Variants in ELMO3 observed in about 807,000 individuals in gnomAD.
ELMO3 encodes engulfment and cell motility 3.
ELMO3 carries 81 observed loss-of-function variants against 89.0 expected under a neutral mutation model. The ratio of observed to expected loss-of-function variants is 0.91; its 90% CI spans 0.76 to 1.09. The LOEUF (loss-of-function observed/expected upper bound fraction) is 1.09, where lower values mean the gene tolerates loss of function less well. Among genes scored for constraint, ELMO3 ranks in the 50% least tolerant of loss-of-function variants. ELMO3 has a pLI of 0.00. For missense variants in ELMO3, 959 were observed against 972.8 expected, an observed-to-expected ratio of 0.99 and a Z score of 0.19; for synonymous variants, 406 against 400.6, an observed-to-expected ratio of 1.01 and a Z score of -0.16.
rs1254716935 is a variant in ELMO3, at chr16:67,203,299, A to G, written c.1781-28A>G. On this transcript the variant is annotated intron_variant, in intron 17 of 19. Transcript: ENST00000393997. This position sits in a 1 kb window ranked among gnomAD's most constrained non-coding sequence, Gnocchi z 4.6. The stretch of plus-strand genomic sequence containing the variant: ...TGGGCCCCGGGGCTGCCAGGGCTGC[A>G]GTGCTCAGCCCAGCCTTCTTCCTGC... The G allele has an allele frequency of 6.3e-7, 1 of 1,590,266 alleles. No individual in the cohort carries two copies. The highest frequency in any genetic ancestry group is 8.5e-7 in the Non-Finnish European group (1 of 1,171,864).
In ELMO3 at chr16:67,203,807, G is replaced by A. The variant is rs200053811; in HGVS notation, c.2093G>A (p.Arg698Gln). The A allele has an allele frequency of 2.0e-4, 325 of 1,610,568 alleles. 2 individuals carry two copies. Among genetic ancestry groups the A allele is most frequent in the Middle Eastern group, 1.8e-3 (10 of 5,672 alleles). ...CTGGAGAACGTGCCCATCCCCGAGCGGCCACCCCCTGTGCCCCCACCCCCC... is the reference window on the plus strand; with the variant it reads ...CTGGAGAACGTGCCCATCCCCGAGCAGCCACCCCCTGTGCCCCCACCCCCC... ...LELENVPIPE[R>Q]PPPVPPPPTN... The change falls in exon 20 of 20, where the codon CGG becomes CAG. Residue 698 changes from arginine to glutamine, a missense_variant. Physicochemically the swap from Arg to Gln is conservative, Grantham distance 43. Transcript: ENST00000393997. The surrounding 1 kb of genome is among the most constrained non-coding windows in gnomAD (Gnocchi z 4.6).
chr16:67,203,940 G>T lies in ELMO3; in HGVS notation c.*63G>T. On this transcript the variant is annotated 3_prime_UTR_variant, in exon 20 of 20. Transcript: ENST00000393997. This position sits in a 1 kb window ranked among gnomAD's most constrained non-coding sequence, Gnocchi z 4.6. The stretch of plus-strand genomic sequence containing the variant: ...CAGCAGCCATGAAGGGCAGTGGGTA[G>T]AGGAGTGCAGGCACCCTGACCAGCA... 1 of 1,365,508 alleles carries T rather than the reference G, an allele frequency of 7.3e-7. No homozygotes were observed. The highest frequency in any genetic ancestry group is 1.4e-5 in the South Asian group (1 of 70,090). 84.6% of individuals were successfully genotyped at this position (1,365,508 alleles called of 1,614,324 possible). A position where few individuals can be genotyped will look rare whatever the true frequency, so the allele number is the denominator to read the frequency against.
In ELMO3 at chr16:67,202,287, G is replaced by C; in HGVS notation, c.1261+3G>C. The C allele has an allele frequency of 6.2e-7, 1 of 1,609,864 alleles. No homozygotes were observed. The highest frequency in any genetic ancestry group is 8.5e-7 in the Non-Finnish European group (1 of 1,177,232). On this transcript the variant is annotated splice_donor_region_variant and intron_variant, in intron 13 of 19. Transcript: ENST00000393997. ...GCTGCTCCGTGTTGGGGAGCCCTGT[G>C]AGTGGCCTGGACTGGGCACAGCATG... is the stretch of plus-strand genomic sequence containing the variant.
Position 67,203,281 on chromosome 16 carries a change from C to G in ELMO3, c.1781-46C>G, listed in dbSNP as rs766576069. 2 of 1,587,856 alleles carry G rather than the reference C, an allele frequency of 1.3e-6. No individual in the cohort carries two copies. Among genetic ancestry groups the G allele is most frequent in the Non-Finnish European group, 1.7e-6 (2 of 1,171,092 alleles). On this transcript the variant is annotated intron_variant, in intron 17 of 19. Transcript: ENST00000393997. This position sits in a 1 kb window ranked among gnomAD's most constrained non-coding sequence, Gnocchi z 4.6. ...GCTCTCCCCAGACCGCCCTGGGCCC[C>G]GGGGCTGCCAGGGCTGCAGTGCTCA...
At position 67,200,178 on chromosome 16, in the gene ELMO3, T is replaced by C. The variant is rs2033065783; in HGVS notation, c.244-14T>C. The C allele has an allele frequency of 6.2e-7, 1 of 1,608,500 alleles. No individual in the cohort carries two copies. Among genetic ancestry groups the C allele is most frequent in the South Asian group, 1.1e-5 (1 of 90,722 alleles). On this transcript the variant is annotated splice_polypyrimidine_tract_variant and intron_variant, in intron 4 of 19. Transcript: ENST00000393997. ...CCAGCCTCTTCACCTCTGCTCCTGC[T>C]CCGTTCCTGCCAGGACCTTGAGGCT...
intron 1 of ELMO3, 72 bp downstream of exon 1, chr16:67,199,476 G>GGGCCCCCCCCCCCCCCCCCCCCCCCCC: frequency 2.0e-6 from 3 of 1,503,578 alleles, no homozygotes; most frequent in Non-Finnish European, 2.7e-6. Context: ...CCTCGGGGCA[G>GGGCCCCCCCCCCCCCCCCCCCCCCCCC]CCCGCCCCAC....
At position 67,202,183 on chromosome 16, in the gene ELMO3, TGGA is replaced by T; in HGVS notation, c.1162_1164del (p.Glu388del). The T allele has an allele frequency of 6.2e-7, 1 of 1,601,000 alleles. No homozygotes were observed. The highest frequency in any genetic ancestry group is 1.1e-5 in the South Asian group (1 of 89,944). ...CATTCTCTGCGCCCCCAGTTTGTGT[TGGA>T]GAACAGCAGCCGCGAGGACAAGCAC... On this transcript the variant is annotated inframe_deletion, in exon 13 of 20. Transcript: ENST00000393997.
intron 5 of ELMO3, 32 bp downstream of exon 5, chr16:67,200,393 T>C (rs2033072299): frequency 1.2e-6 from 2 of 1,611,844 alleles, no homozygotes; most frequent in East Asian, 2.2e-5. Flanking sequence ...CTGGGGGAGA[T>C]GGTGGGTCTT....
chr16:67,201,048 CCTT>C (rs1567691654), intron 8 of ELMO3, 80 bp downstream of exon 8: 263 of 1,412,446 alleles, frequency 1.9e-4, no homozygotes, highest in African/African-American at 7.3e-4. Flanking sequence ...TCTAAGCCCC[CCTT>C]TTTTTTTTTT....
In ELMO3 at chr16:67,203,828, C is replaced by T. The variant is rs983927841; in HGVS notation, c.2114C>T (p.Pro705Leu). ...GAGCGGCCACCCCCTGTGCCCCCAC[C>T]CCCCACCAACTTCAACTTCTGCTAT... ...IPERPPPVPP[P>L]PTNFNFCYDC... Residue 705 changes from proline (P) to leucine (L), a missense_variant, in exon 20 of 20, where the codon CCC becomes CTC. Transcript: ENST00000393997. The surrounding 1 kb of genome is among the most constrained non-coding windows in gnomAD (Gnocchi z 4.6). 7 of 1,604,878 alleles carry T rather than the reference C, an allele frequency of 4.4e-6. No individual in the cohort carries two copies. Among genetic ancestry groups the T allele is most frequent in the East Asian group, 4.5e-5 (2 of 44,618 alleles).
rs752869799 is a variant in ELMO3 at position 67,203,394 on chromosome 16, C to T, written c.1848C>T (p.Ser616=). The change falls in exon 18 of 20, where the codon TCC becomes TCT. Residue 616 remains serine (S), a synonymous_variant. Transcript: ENST00000393997. The surrounding 1 kb of genome is among the most constrained non-coding windows in gnomAD (Gnocchi z 4.6). The stretch of plus-strand genomic sequence containing the variant: ...GCCCCCATGTCCGGGAGAAGGGCTC[C>T]GGGAAGCAGAACAAGGTGAGTACAG... ...KDCPHVREKG[S]GKQNKDLYEL... 15 of 1,611,516 alleles carry T rather than the reference C, an allele frequency of 9.3e-6. No homozygotes were observed. The highest frequency in any genetic ancestry group is 5.3e-5 in the African/African-American group (4 of 75,008).
Position 67,203,494 on chromosome 16 carries a change from C to A in ELMO3, c.1864-3C>A, listed in dbSNP as rs755959481. The A allele has an allele frequency of 6.2e-7, 1 of 1,613,870 alleles. No homozygotes were observed. The highest frequency in any genetic ancestry group is 1.3e-5 in the African/African-American group (1 of 74,920). ...CAGTGTCCCCGCTCCCTTGCTTCCC[C>A]AGGACCTCTATGAGTTGGCCTTCTC... On this transcript the variant is annotated splice_polypyrimidine_tract_variant and splice_region_variant and intron_variant, in intron 18 of 19. Coordinates refer to ENST00000393997, the MANE Select transcript of ELMO3 (RefSeq NM_024712.5). This position sits in a 1 kb window ranked among gnomAD's most constrained non-coding sequence, Gnocchi z 4.6.
At chr16:67,201,939 G>T in intron 11 of ELMO3, 38 bp from the exon 12 acceptor site, 1 of 1,607,920 alleles carries the variant, frequency 6.2e-7, no homozygotes, top group Non-Finnish European at 8.5e-7. Flanking sequence ...CCAGGCGGCC[G>T]TGGCCCTTCT....
rs1310111963 is a variant in ELMO3, at chr16:67,203,260, T to A, written c.1780+37T>A. ...AGGGGCGGGGGCCAGATACCTGCTC[T>A]CCCCAGACCGCCCTGGGCCCCGGGG... On this transcript the variant is annotated intron_variant, in intron 17 of 19. Coordinates refer to ENST00000393997, the MANE Select transcript of ELMO3 (RefSeq NM_024712.5). This position sits in a 1 kb window ranked among gnomAD's most constrained non-coding sequence, Gnocchi z 4.6. 6.3e-7 allele frequency: 1 copy of A among 1,591,756 alleles called. No individual in the cohort carries two copies. The highest frequency in any genetic ancestry group is 8.5e-7 in the Non-Finnish European group (1 of 1,173,194).
chr16:67,200,687 G>T lies in ELMO3; in HGVS notation c.544G>T (p.Asp182Tyr). The change falls in exon 7 of 20, where the codon GAT (aspartate) becomes TAT (tyrosine). Residue 182 changes from aspartate (D) to tyrosine (Y), a missense_variant. Physicochemically the swap from Asp to Tyr is radical, Grantham distance 160. Coordinates refer to ENST00000393997, the MANE Select transcript of ELMO3 (RefSeq NM_024712.5). ...GTGCTACGTGAACATGAACCTCATGGATGCCTCCGTGCCTCCCCTGGCCCT... is the reference window on the plus strand; with the variant it reads ...GTGCTACGTGAACATGAACCTCATGTATGCCTCCGTGCCTCCCCTGGCCCT... The part of the protein sequence containing the change: ...VVCYVNMNLM[D>Y]ASVPPLALGL... The T allele has an allele frequency of 6.2e-7, 1 of 1,613,378 alleles. No homozygotes were observed. The highest frequency in any genetic ancestry group is 8.5e-7 in the Non-Finnish European group (1 of 1,179,956).
chr16:67,202,734 G>GCGGCTGCGGCAGACTGAA lies in ELMO3; in HGVS notation c.1514_1531dup (p.Arg505_Leu510dup), dbSNP rs1453558515. On this transcript the variant is annotated inframe_insertion, in exon 15 of 20. Coordinates refer to ENST00000393997, the MANE Select transcript of ELMO3 (RefSeq NM_024712.5). Reference sequence around the variant, plus strand: ...ATGCGCTCACTTATGGGGAGGTGCTGCGGCTGCGGCAGACTGAACGGCTGC... The same window carrying GCGGCTGCGGCAGACTGAA: ...ATGCGCTCACTTATGGGGAGGTGCTGCGGCTGCGGCAGACTGAACGGCTGCGGCAGACTGAACGGCTGC... 1 of 1,613,648 alleles carries GCGGCTGCGGCAGACTGAA rather than the reference G, an allele frequency of 6.2e-7. No individual in the cohort carries two copies. The highest frequency in any genetic ancestry group is 8.5e-7 in the Non-Finnish European group (1 of 1,179,996).
intron 11 of ELMO3, 41 bp from the exon 12 acceptor site, chr16:67,201,936 G>A (rs750364694): frequency 1.2e-6 from 2 of 1,607,378 alleles, no homozygotes; most frequent in Non-Finnish European, 1.7e-6. Context: ...GTTCCAGGCG[G>A]CCGTGGCCCT....
intron 3 of ELMO3, 55 bp from the exon 4 acceptor site, chr16:67,199,896 G>T: frequency 6.2e-7 from 1 of 1,613,102 alleles, no homozygotes; most frequent in African/African-American, 1.3e-5. Context: ...CACCCCAGTT[G>T]ATCAGTCCTC....
Position 67,199,141 on chromosome 16 carries a change from T to G in ELMO3, c.-186T>G. The G allele has an allele frequency of 6.3e-7, 1 of 1,599,686 alleles. No homozygotes were observed. Among genetic ancestry groups the G allele is most frequent in the Non-Finnish European group, 8.5e-7 (1 of 1,175,938 alleles). ...CCCAGACTCCAACCCGGAACTAACC[T>G]CGGCTCCCTTGGGAAGGCCGCGTTG... On this transcript the variant is annotated 5_prime_UTR_variant, in exon 1 of 20. Transcript: ENST00000393997.
Sources: allele counts gnomAD v4.1 joint callset, GRCh38; gene constraint gnomAD v4.1.1; non-coding constraint Gnocchi (gnomAD v3.1); transcripts MANE v1.5; gene names NCBI Gene and HGNC (gene_info 2026-07-23, HGNC 2026-07-21).